ANKRD52: variants seen among roughly 807,000 people sequenced by gnomAD.
ANKRD52 encodes serine/threonine-protein phosphatase 6 regulatory ankyrin repeat subunit C.
Under a neutral mutation model 116.0 loss-of-function variants are expected in ANKRD52, and 7 were observed. That is an observed-to-expected ratio of 0.06 (90% confidence interval 0.03 to 0.11). The LOEUF (loss-of-function observed/expected upper bound fraction) is 0.11. ANKRD52 is among the 10% of genes least tolerant of loss of function. The pLI is 1.00. For synonymous variants in ANKRD52, 528 were observed against 578.1 expected (o/e 0.91, Z 1.24); for missense variants, 839 against 1,408.6 (o/e 0.60, Z 6.47).
In ANKRD52 at chr12:56,238,628, C is replaced by T. The variant is rs1871029922; in HGVS notation, c.*4514G>A. The T allele has an allele frequency of 6.6e-6, 1 of 151,134 alleles. No individual in the cohort carries two copies. The highest frequency in any genetic ancestry group is 6.6e-5 in the Admixed American group (1 of 15,180). The allele number at this position is 151,134 out of a possible 1,614,324, so 9.4% of individuals were successfully genotyped here. ...CACAGCAGCGAGAGTAGGCACCCTC[C>T]CTTCCCAGGCTTCTGTGGCCTGGAG... On this transcript the variant is annotated 3_prime_UTR_variant, in exon 28 of 28. Coordinates refer to ENST00000267116, the MANE Select transcript of ANKRD52 (RefSeq NM_173595.4).
rs1239833867 is a variant in ANKRD52 at position 56,240,254 on chromosome 12, C to G, written c.*2888G>C. 2.0e-5 allele frequency: 3 copies of G among 152,176 alleles called. No homozygotes were observed. Among genetic ancestry groups the G allele is most frequent in the African/African-American group, 4.8e-5 (2 of 41,416 alleles). 9.4% of individuals were successfully genotyped at this position (152,176 alleles called of 1,614,324 possible). A position where few individuals can be genotyped will look rare whatever the true frequency, so the allele number is the denominator to read the frequency against. ...GGATAGTATATGACCCTACCAGAGC[C>G]ACCGCCCAATCAGAAATAGCTCCCC... On this transcript the variant is annotated 3_prime_UTR_variant, in exon 28 of 28. Coordinates refer to ENST00000267116, the MANE Select transcript of ANKRD52 (RefSeq NM_173595.4). The surrounding 1 kb of genome is among the most constrained non-coding windows in gnomAD (Gnocchi z 4.2).
At position 56,238,021 on chromosome 12, in the gene ANKRD52, G is replaced by GAC; in HGVS notation, c.*5120_*5121insGT. On this transcript the variant is annotated 3_prime_UTR_variant, in exon 28 of 28. Transcript: ENST00000267116. ...CAGGGAGGGGAGGGGTGGGGCAAATGCACCGAGGTCCCCACTTTTTCCTGC... is the reference window on the plus strand; with the variant it reads ...CAGGGAGGGGAGGGGTGGGGCAAATGACCACCGAGGTCCCCACTTTTTCCTGC... 1 of 314,542 alleles carries GAC rather than the reference G, an allele frequency of 3.2e-6. No individual in the cohort carries two copies. The highest frequency in any genetic ancestry group is 1.3e-4 in the South Asian group (1 of 7,882). The allele number at this position is 314,542 out of a possible 1,614,324, so 19.5% of individuals were successfully genotyped here. A position where few individuals can be genotyped will look rare whatever the true frequency, so the allele number is the denominator to read the frequency against.
At chr12:56,257,960 C>T (rs370412591) in intron 1 of ANKRD52, 49 bp from the exon 2 acceptor site, 14 of 814,576 alleles carry the variant, frequency 1.7e-5, no homozygotes, top group Non-Finnish European at 2.6e-5. Flanking sequence ...CGGAGCGGAA[C>T]CGGTGTGGGG....
Position 56,248,982 on chromosome 12 carries a change from C to T in ANKRD52, c.1593-112G>A, listed in dbSNP as rs1871557498. 4.4e-6 allele frequency: 3 copies of T among 685,568 alleles called. No individual in the cohort carries two copies. Among genetic ancestry groups the T allele is most frequent in the South Asian group, 4.0e-5 (2 of 49,804 alleles). 42.5% of individuals were successfully genotyped at this position (685,568 alleles called of 1,614,324 possible). A position where few individuals can be genotyped will look rare whatever the true frequency, so the allele number is the denominator to read the frequency against. ...GCCCTCCAGGCCTACCTGGCCGCCA[C>T]CCGTCCTCAGCTCTAGGTAGGTTCT... On this transcript the variant is annotated intron_variant, in intron 15 of 27. Transcript: ENST00000267116. This position sits in a 1 kb window ranked among gnomAD's most constrained non-coding sequence, Gnocchi z 5.1.
chr12:56,257,276 C>T lies in ANKRD52; in HGVS notation c.190+7G>A. 6.3e-7 allele frequency: 1 copy of T among 1,589,310 alleles called. No individual in the cohort carries two copies. Among genetic ancestry groups the T allele is most frequent in the Non-Finnish European group, 8.6e-7 (1 of 1,167,622 alleles). On this transcript the variant is annotated splice_region_variant and intron_variant, in intron 3 of 27. Transcript: ENST00000267116. ...ATGTGCCACACCTTCCAGCTCCCCA[C>T]TTTCACCTGACATCAGTAGCAACTG...
At chr12:56,251,418 G>GT (rs906698747) in intron 15 of ANKRD52, among the ~76,000 whole-genome samples, 4 of 149,354 alleles carry the variant, frequency 2.7e-5, no homozygotes, top group African/African-American at 9.9e-5. Flanking sequence ...TTAATTTTTT[G>GT]TATTTTTAGT....
At position 56,252,454 on chromosome 12, in the gene ANKRD52, T is replaced by C; in HGVS notation, c.1370+48A>G. 6.2e-7 allele frequency: 1 copy of C among 1,600,922 alleles called. No homozygotes were observed. The highest frequency in any genetic ancestry group is 8.6e-7 in the Non-Finnish European group (1 of 1,168,218). On this transcript the variant is annotated intron_variant, in intron 13 of 27. Transcript: ENST00000267116. The surrounding 1 kb of genome is among the most constrained non-coding windows in gnomAD (Gnocchi z 4.7). ...AAACCCTTCCTCCCTCTACCATTTG[T>C]TTCTCTAATCAGATATTCCCTATGT...
rs1871538480 is a variant in ANKRD52, at chr12:56,248,642, T to C, written c.1705-76A>G. ...TACCCCAGTCCCCGACTCGCAGTAA[T>C]CCCCACTAAGCCTCTGGATCCAAAG... is the stretch of plus-strand genomic sequence containing the variant. On this transcript the variant is annotated intron_variant, in intron 16 of 27. Transcript: ENST00000267116. This position sits in a 1 kb window ranked among gnomAD's most constrained non-coding sequence, Gnocchi z 5.1. 2.7e-6 allele frequency: 4 copies of C among 1,497,584 alleles called. No homozygotes were observed. The South Asian group carries it at 4.8e-5, about 18-fold the overall frequency. 92.8% of individuals were successfully genotyped at this position (1,497,584 alleles called of 1,614,324 possible).
At position 56,242,806 on chromosome 12, in the gene ANKRD52, A is replaced by C; in HGVS notation, c.*336T>G. The C allele has an allele frequency of 3.3e-6, 1 of 299,872 alleles. No homozygotes were observed. Among genetic ancestry groups the C allele is most frequent in the Non-Finnish European group, 6.3e-6 (1 of 159,440 alleles). The allele number at this position is 299,872 out of a possible 1,614,324, so 18.6% of individuals were successfully genotyped here. ...AAGGGGGACACAGAGAGGAGTCCCC[A>C]GGGAAGAGTCGGGGGAGCTGGCAGC... On this transcript the variant is annotated 3_prime_UTR_variant, in exon 28 of 28. Coordinates refer to ENST00000267116, the MANE Select transcript of ANKRD52 (RefSeq NM_173595.4). The surrounding 1 kb of genome is among the most constrained non-coding windows in gnomAD (Gnocchi z 4.3).
chr12:56,247,338 C>A (rs570760025), intron 20 of ANKRD52, among the ~76,000 whole-genome samples, 155 bp downstream of exon 20: 5 of 147,662 alleles, frequency 3.4e-5, no homozygotes, highest in African/African-American at 1.2e-4. Context: ...GGGAGTGAGA[C>A]CCTGTCTCAA....
Position 56,244,602 on chromosome 12 carries a change from T to C in ANKRD52, c.2722+50A>G. ...CTCCACAGGCAGGGCTGACCCATCC[T>C]GCAAATGCCCCAGGGGAGCTCCTCC... On this transcript the variant is annotated intron_variant, in intron 24 of 27. Transcript: ENST00000267116. The surrounding 1 kb of genome is among the most constrained non-coding windows in gnomAD (Gnocchi z 4.9). The C allele has an allele frequency of 6.2e-7, 1 of 1,609,382 alleles. No homozygotes were observed. The highest frequency in any genetic ancestry group is 8.5e-7 in the Non-Finnish European group (1 of 1,177,512).
intron 15 of ANKRD52, among the ~76,000 whole-genome samples, chr12:56,250,213 T>A (rs143402443): frequency 0.043 from 6,427 of 150,930 alleles, 149 homozygotes; most frequent in African/African-American, 0.057. Flanking sequence ...ATAAATAAAT[T>A]AATTAATTTA....
chr12:56,246,618 G>A (rs1176300398), intron 20 of ANKRD52, among the ~76,000 whole-genome samples: 2 of 151,964 alleles, frequency 1.3e-5, no homozygotes, highest in Admixed American at 1.3e-4. Flanking sequence ...TCAGTTGTAC[G>A]TGATTACAAA....
At position 56,244,790 on chromosome 12, in the gene ANKRD52, G is replaced by A. The variant is rs748863721; in HGVS notation, c.2584C>T (p.Leu862Phe). ...TTGTCCGCGAAGGCAGCGGCGTGAA[G>A]GGGGGTCCTGTAAGGCAGGGATCAG... is the stretch of plus-strand genomic sequence containing the variant. ...NSRDAKGRTPLHAAAFADNVS... is the reference protein window; with the variant it reads ...NSRDAKGRTPFHAAAFADNVS... The change falls in exon 24 of 28, where the codon CTT becomes TTT. Residue 862 changes from leucine (L) to phenylalanine (F), a missense_variant. This residue lies in a region of ANKRD52 where 552 missense variants were observed against 810.6 expected (regional missense o/e 0.68). Transcript: ENST00000267116. This position sits in a 1 kb window ranked among gnomAD's most constrained non-coding sequence, Gnocchi z 4.9. The A allele has an allele frequency of 1.3e-5, 21 of 1,613,620 alleles. No homozygotes were observed. The East Asian group carries it at 4.2e-4, about 33-fold the overall frequency.
chr12:56,252,166 T>C lies in ANKRD52; in HGVS notation c.1511+9A>G. 7 of 1,613,922 alleles carry C rather than the reference T, an allele frequency of 4.3e-6. No homozygotes were observed. Among genetic ancestry groups the C allele is most frequent in the Non-Finnish European group, 5.9e-6 (7 of 1,179,848 alleles). ...ATGGGGCTGAGAAGGACCAGACTGG[T>C]AGCCTCACCTCCTGTAAGTGTCAGA... On this transcript the variant is annotated intron_variant, in intron 14 of 27. Coordinates refer to ENST00000267116, the MANE Select transcript of ANKRD52 (RefSeq NM_173595.4). The surrounding 1 kb of genome is among the most constrained non-coding windows in gnomAD (Gnocchi z 4.7).
rs1038557273 is a variant in ANKRD52, at chr12:56,253,582, A to G, written c.985+140T>C. On this transcript the variant is annotated intron_variant, in intron 9 of 27. Coordinates refer to ENST00000267116, the MANE Select transcript of ANKRD52 (RefSeq NM_173595.4). This position sits in a 1 kb window ranked among gnomAD's most constrained non-coding sequence, Gnocchi z 5.5. The stretch of plus-strand genomic sequence containing the variant: ...GGCAGGGCAGAGCAGGGCCATTTCC[A>G]CAGGTCCCTTGGTCAGAGTTCCAAG... The G allele has an allele frequency of 6.9e-6, 7 of 1,014,842 alleles. No homozygotes were observed. The highest frequency in any genetic ancestry group is 8.8e-6 in the Non-Finnish European group (6 of 683,990). 62.9% of individuals were successfully genotyped at this position (1,014,842 alleles called of 1,614,324 possible). A position where few individuals can be genotyped will look rare whatever the true frequency, so the allele number is the denominator to read the frequency against.
chr12:56,248,882 G>C lies in ANKRD52; in HGVS notation c.1593-12C>G. The C allele has an allele frequency of 6.4e-7, 1 of 1,565,540 alleles. No individual in the cohort carries two copies. The highest frequency in any genetic ancestry group is 8.7e-7 in the Non-Finnish European group (1 of 1,152,584). On this transcript the variant is annotated splice_polypyrimidine_tract_variant and intron_variant, in intron 15 of 27. Transcript: ENST00000267116. The surrounding 1 kb of genome is among the most constrained non-coding windows in gnomAD (Gnocchi z 5.1). ...AGAACTCCAGACAGCTGGGGAGCCG[G>C]GGGTAGACTGTGAGGCAGGGACAGG...
Position 56,244,764 on chromosome 12 carries a change from A to G in ANKRD52, c.2610T>C (p.Asn870=). 6.2e-7 allele frequency: 1 copy of G among 1,613,790 alleles called. No individual in the cohort carries two copies. Among genetic ancestry groups the G allele is most frequent in the South Asian group, 1.1e-5 (1 of 91,084 alleles). The change falls in exon 24 of 28, where the codon AAT becomes AAC. Residue 870 remains asparagine (N), a synonymous_variant. Coordinates refer to ENST00000267116, the MANE Select transcript of ANKRD52 (RefSeq NM_173595.4). This position sits in a 1 kb window ranked among gnomAD's most constrained non-coding sequence, Gnocchi z 4.9. ...TPLHAAAFAD[N]VSGLRMLLQH... ...GCAGCAGCATCCGGAGCCCAGAGACATTGTCCGCGAAGGCAGCGGCGTGAA... is the reference window on the plus strand; with the variant it reads ...GCAGCAGCATCCGGAGCCCAGAGACGTTGTCCGCGAAGGCAGCGGCGTGAA...
chr12:56,243,500 C>T lies in ANKRD52; in HGVS notation c.2981-108G>A. On this transcript the variant is annotated intron_variant, in intron 27 of 27. Coordinates refer to ENST00000267116, the MANE Select transcript of ANKRD52 (RefSeq NM_173595.4). This position sits in a 1 kb window ranked among gnomAD's most constrained non-coding sequence, Gnocchi z 4.6. ...GGAGGGAGCCAAGGCAGGCAGGTAC[C>T]CAGCAGCGGCAGAATCCAAGGGTGA... 7.0e-7 allele frequency: 1 copy of T among 1,436,096 alleles called. No homozygotes were observed. Among genetic ancestry groups the T allele is most frequent in the Non-Finnish European group, 9.3e-7 (1 of 1,073,508 alleles). The allele number at this position is 1,436,096 out of a possible 1,614,324, so 89.0% of individuals were successfully genotyped here.
Sources: gnomAD v4.1 joint callset for allele counts (sites outside exome capture counted in the v4.1 genomes callset) on GRCh38, gnomAD v4.1.1 for gene constraint, gnomAD v4.1.1 regional missense constraint, Gnocchi (gnomAD v3.1) non-coding constraint, MANE v1.5 for transcripts, NCBI Gene and HGNC (gene_info 2026-07-23, HGNC 2026-07-21) for gene names.